The following SDK1 variants were observed in gnomAD, a reference collection of about 807,000 sequenced individuals.
The protein encoded by SDK1 is sidekick cell adhesion molecule 1.
In SDK1, 157 loss-of-function variants were observed where a neutral mutation model predicts 245.5. The observed-to-expected ratio is 0.64, with a 90% CI of 0.56 to 0.73. SDK1 has a LOEUF of 0.73. Ranked by LOEUF, SDK1 falls within the 30% of genes least tolerant of loss-of-function variation. SDK1 has a pLI of 0.00. For missense variants in SDK1, 3,583 were observed against 3,002.3 expected (o/e 1.19, Z -4.52); for synonymous variants, 1,647 against 1,278.5 (o/e 1.29, Z -6.15).
chr7:4,104,938 C>T (rs1339833331), intron 22 of SDK1, among the ~76,000 whole-genome samples: 1 of 151,752 alleles, frequency 6.6e-6, no homozygotes, highest in Non-Finnish European at 1.5e-5. Flanking sequence ...AACTCCTGGG[C>T]TCAAGAGATC....
At chr7:3,604,747 C>T (rs1781368480) in intron 1 of SDK1, among the ~76,000 whole-genome samples, 1 of 151,564 alleles carries the variant, frequency 6.6e-6, no homozygotes, top group Non-Finnish European at 1.5e-5. Flanking sequence ...GGATTACAGG[C>T]ATGTGTCACT....
At chr7:3,369,730 C>T (rs1781177171) in intron 1 of SDK1, among the ~76,000 whole-genome samples, 1 of 152,170 alleles carries the variant, frequency 6.6e-6, no homozygotes, top group Admixed American at 6.5e-5. Context: ...TTGGAATAAG[C>T]TATGTAAATG....
chr7:4,022,529 G>A (rs1388374759), intron 17 of SDK1, among the ~76,000 whole-genome samples: 1 of 152,170 alleles, frequency 6.6e-6, no homozygotes, highest in African/African-American at 2.4e-5. Context: ...ATATGCCTGG[G>A]CTGAGGGAGG....
intron 5 of SDK1, among the ~76,000 whole-genome samples, chr7:3,827,591 G>A (rs1779809518): frequency 6.6e-6 from 1 of 152,236 alleles, no homozygotes; most frequent in African/African-American, 2.4e-5. Flanking sequence ...TACGTGTGTT[G>A]TCAGCTGACA....
intron 4 of SDK1, among the ~76,000 whole-genome samples, chr7:3,768,843 A>G (rs1286864012): frequency 6.6e-6 from 1 of 152,134 alleles, no homozygotes; most frequent in Non-Finnish European, 1.5e-5. Flanking sequence ...GTCATTTTCC[A>G]TTCAGTTTTC....
intron 5 of SDK1, among the ~76,000 whole-genome samples, chr7:3,852,822 A>G (rs1780452722): frequency 6.6e-6 from 1 of 151,990 alleles, no homozygotes; most frequent in African/African-American, 2.4e-5. Flanking sequence ...ATTTCAGGAA[A>G]GAAAAATATG....
chr7:3,914,701 T>C (rs964743035), intron 5 of SDK1, among the ~76,000 whole-genome samples: 4 of 152,200 alleles, frequency 2.6e-5, no homozygotes, highest in African/African-American at 9.7e-5. Context: ...CACGGTGACA[T>C]GGGCTGGGAG....
intron 28 of SDK1, among the ~76,000 whole-genome samples, chr7:4,133,318 TC>T (rs1784969009): frequency 6.6e-6 from 1 of 152,236 alleles, no homozygotes; most frequent in African/African-American, 2.4e-5. Flanking sequence ...CTTGACTCAT[TC>T]ACCCTTTCAC....
chr7:3,486,594 G>T (rs1054476628), intron 1 of SDK1, among the ~76,000 whole-genome samples: 1 of 151,294 alleles, frequency 6.6e-6, no homozygotes, highest in Middle Eastern at 3.4e-3. Flanking sequence ...TATTTTGTGC[G>T]CTTTATTTGT....
Position 4,096,841 on chromosome 7 carries a change from A to G in SDK1, c.3325-13822A>G, listed in dbSNP as rs1234455510. Among the ~76,000 whole-genome samples the G allele has an allele frequency of 2.0e-5, 3 of 152,068 alleles. No homozygotes were observed. The East Asian group carries it at 5.8e-4, about 30-fold the overall frequency. On this transcript the variant is annotated intron_variant, in intron 22 of 44. Coordinates refer to ENST00000404826, the MANE Select transcript of SDK1 (RefSeq NM_152744.4). ...AGGGGCCGGGGACACTGAAACCCCC[A>G]CGGGGGTCGCTGTGGTCAGAGAACC...
At chr7:3,493,269 T>C (rs1243521564) in intron 1 of SDK1, among the ~76,000 whole-genome samples, 8 of 152,164 alleles carry the variant, frequency 5.3e-5, no homozygotes, top group Admixed American at 5.2e-4. Context: ...GATTTAGATA[T>C]ATGTCTGTCT....
rs202236903 is a variant in SDK1 at position 3,961,998 on chromosome 7, CACAT to C, written c.1235-655_1235-652del. ...ATGCACATATATGCACAAACACACACACATACACACATGTAAACACGTAGACACA... is the reference window on the plus strand; with the variant it reads ...ATGCACATATATGCACAAACACACACACACACATGTAAACACGTAGACACA... On this transcript the variant is annotated intron_variant, in intron 8 of 44. Coordinates refer to ENST00000404826, the MANE Select transcript of SDK1 (RefSeq NM_152744.4). Among the ~76,000 whole-genome samples the C allele has an allele frequency of 3.8e-4, 58 of 152,032 alleles. 1 individual carries two copies. The East Asian group carries it at 8.3e-3, about 22-fold the overall frequency.
At chr7:4,210,910 G>C (rs566737955) in intron 38 of SDK1, among the ~76,000 whole-genome samples, 2 of 152,184 alleles carry the variant, frequency 1.3e-5, no homozygotes, top group Non-Finnish European at 1.5e-5. Flanking sequence ...GAAGAGACCG[G>C]AGTGACAAGG....
intron 25 of SDK1, among the ~76,000 whole-genome samples, chr7:4,119,996 A>G (rs1449174556): frequency 6.7e-6 from 1 of 149,160 alleles, no homozygotes; most frequent in Non-Finnish European, 1.5e-5. Context: ...GTTTTTAGAA[A>G]AAATAAATGG....
At chr7:3,500,752 C>G (rs888299421) in intron 1 of SDK1, among the ~76,000 whole-genome samples, 1 of 151,960 alleles carries the variant, frequency 6.6e-6, no homozygotes, top group African/African-American at 2.4e-5. Context: ...TTTTTCCTCT[C>G]CTTTCTTTCT....
intron 1 of SDK1, among the ~76,000 whole-genome samples, chr7:3,415,725 A>G (rs1449154896): frequency 1.3e-5 from 2 of 149,250 alleles, no homozygotes; most frequent in South Asian, 4.2e-4. Context: ...ATATAAATGT[A>G]TATATATATA....
chr7:3,726,573 A>T (rs17133739), intron 4 of SDK1, among the ~76,000 whole-genome samples: 10,340 of 152,288 alleles, frequency 0.068, 410 homozygotes, highest in Middle Eastern at 0.13. Context: ...GGCAATTGTT[A>T]CTGATTTTAT....
intron 4 of SDK1, among the ~76,000 whole-genome samples, chr7:3,811,159 A>G (rs1294008517): frequency 6.6e-6 from 1 of 152,036 alleles, no homozygotes; most frequent in Non-Finnish European, 1.5e-5. Flanking sequence ...TCACCTCACT[A>G]CCGATTTGCA....
At chr7:3,782,816 A>G (rs897832192) in intron 4 of SDK1, among the ~76,000 whole-genome samples, 20 of 152,366 alleles carry the variant, frequency 1.3e-4, no homozygotes, top group African/African-American at 4.8e-4. Flanking sequence ...AAGTTGAAAA[A>G]TTCTAAGTTG....
Sources: allele counts gnomAD v4.1 joint callset (sites outside exome capture counted in the v4.1 genomes callset), GRCh38; gene constraint gnomAD v4.1.1; transcripts MANE v1.5; gene names NCBI Gene and HGNC (gene_info 2026-07-23, HGNC 2026-07-21).